Variants in FGF1 observed in about 807,000 individuals in gnomAD.
The protein encoded by FGF1 is beta-endothelial cell growth factor.
Under a neutral mutation model 13.4 loss-of-function variants are expected in FGF1, and 9 were observed. That is an observed-to-expected ratio of 0.67 (90% CI 0.40 to 1.17). FGF1 has a LOEUF of 1.17. FGF1 is among the 50% of genes most tolerant of loss of function. The probability of loss-of-function intolerance (pLI) is 0.01; values close to 1 mark genes in which losing one functional copy is unlikely to be tolerated. For synonymous variants in FGF1, 93 were observed against 79.0 expected (o/e 1.18, Z -0.94); for missense variants, 156 against 192.7 (o/e 0.81, Z 1.13).
intron 3 of FGF1, among the ~76,000 whole-genome samples, chr5:142,598,819 G>T (rs17223849): frequency 6.6e-6 from 1 of 152,164 alleles, no homozygotes; most frequent in South Asian, 2.1e-4. Context: ...GTGGGAGAAG[G>T]GGGTGCCTGG....
intron 2 of FGF1, among the ~76,000 whole-genome samples, chr5:142,611,618 TTCAGTGGAATA>T (rs1349874003): frequency 6.6e-6 from 1 of 152,198 alleles, no homozygotes; most frequent in Non-Finnish European, 1.5e-5. Context: ...CTGCTGACTC[TTCAGTGGAATA>T]TCCAGTTCCA....
chr5:142,664,341 C>T (rs1445048805), intron 1 of FGF1, among the ~76,000 whole-genome samples: 4 of 152,184 alleles, frequency 2.6e-5, no homozygotes, highest in East Asian at 1.9e-4. Flanking sequence ...CTAGGCTCTG[C>T]GGCTCCCTAG....
At chr5:142,629,891 A>T (rs1216306448) in intron 1 of FGF1, among the ~76,000 whole-genome samples, 3 of 100,100 alleles carry the variant, frequency 3.0e-5, no homozygotes, top group Admixed American at 1.0e-4. Context: ...ATATATATAT[A>T]TATATTTTTT....
intron 1 of FGF1, among the ~76,000 whole-genome samples, chr5:142,643,921 C>G (rs1399736314): frequency 1.3e-5 from 2 of 152,184 alleles, no homozygotes; most frequent in Admixed American, 1.3e-4. Context: ...CATGTTAGCG[C>G]AAGCAATAAA....
At chr5:142,663,209 G>C (rs941820405) in intron 1 of FGF1, among the ~76,000 whole-genome samples, 1 of 148,594 alleles carries the variant, frequency 6.7e-6, no homozygotes, top group African/African-American at 2.5e-5. Flanking sequence ...AAAAGATTCC[G>C]AAGGACAGAG....
rs569038528 is a variant in FGF1 at position 142,649,702 on chromosome 5, C to T, written c.-34-35541G>A. Among the ~76,000 whole-genome samples the T allele has an allele frequency of 1.1e-3, 161 of 152,234 alleles. 1 individual carries two copies. The highest frequency in any genetic ancestry group is 1.7e-3 in the Non-Finnish European group (117 of 67,998). ...GATTACAGGTGTGAGCCACCACGCC[C>T]GGCCGGACATTTTGTTTTTAATTTT... is the stretch of plus-strand genomic sequence containing the variant. On this transcript the variant is annotated intron_variant, in intron 1 of 3. Coordinates refer to ENST00000337706, the MANE Select transcript of FGF1 (RefSeq NM_000800.5).
chr5:142,633,537 A>C (rs1318422762), intron 1 of FGF1, among the ~76,000 whole-genome samples: 2 of 152,232 alleles, frequency 1.3e-5, no homozygotes, highest in Non-Finnish European at 2.9e-5. Context: ...CTCTGAAGAC[A>C]TACAGTAGCA....
chr5:142,670,814 C>G (rs773320845), intron 1 of FGF1, among the ~76,000 whole-genome samples: 5 of 152,238 alleles, frequency 3.3e-5, no homozygotes, highest in African/African-American at 1.2e-4. Context: ...CTTACAATCA[C>G]ATGTGTTATC....
chr5:142,618,929 GTTTTTTTT>G (rs869093279), intron 1 of FGF1, among the ~76,000 whole-genome samples: 2 of 61,252 alleles, frequency 3.3e-5, no homozygotes, highest in African/African-American at 1.4e-4. Context: ...TAGTTGTTTT[GTTTTTTTT>G]TTTTTTTTTT....
In FGF1 at chr5:142,594,316, A is replaced by G; in HGVS notation, c.*974T>C. On this transcript the variant is annotated 3_prime_UTR_variant, in exon 4 of 4. Transcript: ENST00000337706. ...CTGAATCAGAATCTCCATTCAAACC[A>G]GGTCCCCAGATGATCTGCAAGCACT... 6.6e-6 allele frequency: 1 copy of G among 152,352 alleles called. No individual in the cohort carries two copies. The highest frequency in any genetic ancestry group is 1.9e-4 in the East Asian group (1 of 5,184). The allele number at this position is 152,352 out of a possible 1,614,324, so 9.4% of individuals were successfully genotyped here.
chr5:142,690,525 T>C (rs1203116842), upstream of FGF1, among the ~76,000 whole-genome samples: 1 of 152,224 alleles, frequency 6.6e-6, no homozygotes, highest in Non-Finnish European at 1.5e-5. Flanking sequence ...ACCCTGAATA[T>C]GTGTATGCTA....
At chr5:142,688,333 A>G (rs1751598206), upstream of FGF1, among the ~76,000 whole-genome samples, 1 of 152,148 alleles carries the variant, frequency 6.6e-6, no homozygotes, top group Admixed American at 6.5e-5. Context: ...ATCTAGATTT[A>G]CCTTTTAAAT....
intron 1 of FGF1, among the ~76,000 whole-genome samples, chr5:142,652,223 G>A (rs1365573274): frequency 1.3e-5 from 2 of 152,184 alleles, no homozygotes; most frequent in African/African-American, 2.4e-5. Context: ...GTTCTTAACA[G>A]TGTTTGCACA....
At chr5:142,611,151 T>G (rs1156486711) in intron 2 of FGF1, among the ~76,000 whole-genome samples, 1 of 152,160 alleles carries the variant, frequency 6.6e-6, no homozygotes, top group Non-Finnish European at 1.5e-5. Flanking sequence ...TGGATCACAT[T>G]TAGTCAGGGA....
At chr5:142,663,583 T>A (rs982857879) in intron 1 of FGF1, among the ~76,000 whole-genome samples, 3 of 152,208 alleles carry the variant, frequency 2.0e-5, no homozygotes, top group Non-Finnish European at 4.4e-5. Context: ...TACTCCGTGA[T>A]GACCCGAGTT....
At chr5:142,661,636 A>C (rs1224478535) in intron 1 of FGF1, among the ~76,000 whole-genome samples, 1 of 152,204 alleles carries the variant, frequency 6.6e-6, no homozygotes, top group Non-Finnish European at 1.5e-5. Context: ...CAACCATAAA[A>C]AGGAATGCAG....
At chr5:142,613,086 C>G (rs17217275) in intron 2 of FGF1, among the ~76,000 whole-genome samples, 1 of 152,192 alleles carries the variant, frequency 6.6e-6, no homozygotes, top group African/African-American at 2.4e-5. Context: ...AGATTGCTGA[C>G]CCTCTAAGCA....
chr5:142,634,905 A>G (rs951619113), intron 1 of FGF1, among the ~76,000 whole-genome samples: 1 of 151,942 alleles, frequency 6.6e-6, no homozygotes, highest in African/African-American at 2.4e-5. Context: ...CCTTGTAACA[A>G]AGTAACAAAC....
chr5:142,675,867 C>T (rs1772477604), intron 1 of FGF1, among the ~76,000 whole-genome samples: 1 of 152,194 alleles, frequency 6.6e-6, no homozygotes, highest in South Asian at 2.1e-4. Context: ...TCAAAACGTA[C>T]ATATATTGAG....
Sources: allele counts gnomAD v4.1 joint callset (sites outside exome capture counted in the v4.1 genomes callset), GRCh38; gene constraint gnomAD v4.1.1; transcripts MANE v1.5; gene names NCBI Gene and HGNC (gene_info 2026-07-23, HGNC 2026-07-21).